XYLT1: variants seen among roughly 807,000 people sequenced by gnomAD.
The protein encoded by XYLT1 is beta-D-xylosyltransferase 1.
A neutral mutation model predicts 91.3 loss-of-function variants in XYLT1; 36 were observed. That is an observed-to-expected ratio of 0.39 (90% CI 0.30 to 0.52). The LOEUF (loss-of-function observed/expected upper bound fraction) is 0.52. Among genes scored for constraint, XYLT1 ranks in the 20% least tolerant of loss-of-function variants. XYLT1 has a pLI of 0.68. For missense variants in XYLT1, 1,242 were observed against 1,284.5 expected (o/e 0.97, Z 0.51); for synonymous variants, 588 against 532.0 (o/e 1.11, Z -1.45).
intron 2 of XYLT1, among the ~76,000 whole-genome samples, chr16:17,333,835 A>G (rs7200464): frequency 0.57 from 87,115 of 151,652 alleles, 25,525 homozygotes; most frequent in Admixed American, 0.65. Flanking sequence ...TGATCTGCCC[A>G]CCTCGGCCTC....
At chr16:17,243,342 T>C (rs1259539726) in intron 3 of XYLT1, among the ~76,000 whole-genome samples, 1 of 152,202 alleles carries the variant, frequency 6.6e-6, no homozygotes, top group African/African-American at 2.4e-5. Flanking sequence ...CAGCACTGTC[T>C]TGCTCAAAAC....
chr16:17,185,641 C>CT (rs2032167471), intron 5 of XYLT1, among the ~76,000 whole-genome samples: 5 of 151,772 alleles, frequency 3.3e-5, no homozygotes, highest in African/African-American at 9.7e-5. Context: ...TCTCTCTCTC[C>CT]CTGGACCAGT....
At chr16:17,165,631 G>A (rs1055313958) in intron 5 of XYLT1, among the ~76,000 whole-genome samples, 2 of 152,188 alleles carry the variant, frequency 1.3e-5, no homozygotes, top group South Asian at 2.1e-4. Context: ...GGCGGAGGTT[G>A]AAGTGAGCCG....
intron 2 of XYLT1, among the ~76,000 whole-genome samples, chr16:17,306,504 G>T (rs1026236655): frequency 2.0e-5 from 3 of 151,728 alleles, no homozygotes; most frequent in African/African-American, 7.3e-5. Flanking sequence ...GCAGTGAGCT[G>T]AGATCACACC....
chr16:17,205,742 C>G lies in XYLT1; in HGVS notation c.914-5088G>C, dbSNP rs189824039. Among the ~76,000 whole-genome samples the G allele has an allele frequency of 3.3e-5, 5 of 152,292 alleles. No homozygotes were observed. In the East Asian group the frequency reaches 7.7e-4, roughly 24 times the overall value. On this transcript the variant is annotated intron_variant, in intron 3 of 11. Transcript: ENST00000261381. ...GAGCCTGCTGCTTGTAAATAAACAT[C>G]TACAACCGGAATTTCCCTCTGCAGC...
intron 2 of XYLT1, among the ~76,000 whole-genome samples, chr16:17,294,055 G>A (rs1474274780): frequency 6.6e-6 from 1 of 152,150 alleles, no homozygotes; most frequent in Non-Finnish European, 1.5e-5. Context: ...TGTAAAATAA[G>A]GTGTTCCTGA....
intron 10 of XYLT1, among the ~76,000 whole-genome samples, chr16:17,125,288 G>A (rs143592288): frequency 6.6e-6 from 1 of 152,190 alleles, no homozygotes; most frequent in Admixed American, 6.5e-5. Context: ...AGTTCATGAT[G>A]TGGGGCTCCA....
intron 3 of XYLT1, among the ~76,000 whole-genome samples, chr16:17,219,022 C>T (rs2141606751): frequency 6.6e-6 from 1 of 152,232 alleles, no homozygotes; most frequent in East Asian, 1.9e-4. Flanking sequence ...TGGCTCATGC[C>T]TGTAATCCCA....
intron 1 of XYLT1, among the ~76,000 whole-genome samples, chr16:17,377,913 A>G (rs2035623681): frequency 6.6e-6 from 1 of 152,200 alleles, no homozygotes; most frequent in Admixed American, 6.5e-5. Context: ...AAGAACCTGG[A>G]GCCCATTAAA....
At chr16:17,242,391 T>A (rs767418531) in intron 3 of XYLT1, among the ~76,000 whole-genome samples, 1 of 152,222 alleles carries the variant, frequency 6.6e-6, no homozygotes, top group Non-Finnish European at 1.5e-5. Context: ...TGTCAATCCC[T>A]ATGTTAAAGT....
intron 1 of XYLT1, among the ~76,000 whole-genome samples, chr16:17,451,758 A>T (rs563072900): frequency 6.6e-6 from 1 of 152,050 alleles, no homozygotes; most frequent in South Asian, 2.1e-4. Flanking sequence ...CTTGCCCATC[A>T]CCCCAGGGAC....
chr16:17,460,847 C>T (rs753527387), intron 1 of XYLT1, among the ~76,000 whole-genome samples: 4 of 152,326 alleles, frequency 2.6e-5, no homozygotes, highest in Middle Eastern at 6.8e-3. Context: ...AACCCACCCA[C>T]GGGCCATGGA....
chr16:17,121,710 T>C (rs2030061371), intron 10 of XYLT1, among the ~76,000 whole-genome samples: 1 of 152,120 alleles, frequency 6.6e-6, no homozygotes, highest in South Asian at 2.1e-4. Context: ...CTGCACCCCA[T>C]GTGTAGTCTT....
chr16:17,317,335 A>G (rs1308850694), intron 2 of XYLT1, among the ~76,000 whole-genome samples: 2 of 151,962 alleles, frequency 1.3e-5, no homozygotes, highest in Non-Finnish European at 2.9e-5. Flanking sequence ...ATTAACCACA[A>G]TAAATAATGG....
intron 1 of XYLT1, among the ~76,000 whole-genome samples, chr16:17,426,724 T>A (rs1187717966): frequency 6.6e-6 from 1 of 152,152 alleles, no homozygotes; most frequent in African/African-American, 2.4e-5. Flanking sequence ...ATGGCAGAGC[T>A]GAGTAGGTTT....
intron 2 of XYLT1, among the ~76,000 whole-genome samples, chr16:17,331,240 C>T (rs566360063): frequency 1.3e-5 from 2 of 152,212 alleles, no homozygotes; most frequent in African/African-American, 4.8e-5. Context: ...CCGCCTTGAC[C>T]ATGCCGGCCT....
At chr16:17,111,436 C>A (rs1249031794) in intron 11 of XYLT1, among the ~76,000 whole-genome samples, 1 of 152,090 alleles carries the variant, frequency 6.6e-6, no homozygotes, top group African/African-American at 2.4e-5. Flanking sequence ...TGGTGAGTTG[C>A]GCTTTACCAA....
At chr16:17,188,243 A>G (rs1201395995) in intron 5 of XYLT1, among the ~76,000 whole-genome samples, 1 of 151,990 alleles carries the variant, frequency 6.6e-6, no homozygotes, top group African/African-American at 2.4e-5. Context: ...CCCACTCCCA[A>G]CTATTCTCCC....
rs114141624 is a variant in XYLT1, at chr16:17,186,951, G to A, written c.1289+11261C>T. On this transcript the variant is annotated intron_variant, in intron 5 of 11. Transcript: ENST00000261381. ...GATGTCAGGGTTAGAACGAGAATAC[G>A]CAAGGTGCAGATGGAGCAGCAAGGA... Among the ~76,000 whole-genome samples, 466 of 152,226 alleles carry A rather than the reference G, an allele frequency of 3.1e-3. 3 individuals are homozygous for A. The highest frequency in any genetic ancestry group is 0.011 in the African/African-American group (453 of 41,536).
Sources: gnomAD v4.1 joint callset for allele counts (sites outside exome capture counted in the v4.1 genomes callset) on GRCh38, gnomAD v4.1.1 for gene constraint, MANE v1.5 for transcripts, NCBI Gene and HGNC (gene_info 2026-07-23, HGNC 2026-07-21) for gene names.